Variants in SLC25A18 observed in about 807,000 individuals in gnomAD.
SLC25A18 encodes the protein solute carrier family 25 member 18.
Under a neutral mutation model 31.1 loss-of-function variants are expected in SLC25A18, and 24 were observed. That is an observed-to-expected ratio of 0.77 (90% confidence interval 0.56 to 1.08). The LOEUF (loss-of-function observed/expected upper bound fraction) is 1.08, where lower values mean the gene tolerates loss of function less well. Ranked by LOEUF, SLC25A18 falls within the 50% of genes least tolerant of loss-of-function variation. SLC25A18 has a pLI of 0.00. For missense variants in SLC25A18, 371 were observed against 418.5 expected (o/e 0.89, Z 0.99); for synonymous variants, 173 against 161.9 (o/e 1.07, Z -0.52).
intron 1 of SLC25A18, among the ~76,000 whole-genome samples, chr22:17,565,639 A>G (rs1279676391): frequency 1.3e-5 from 2 of 151,568 alleles, no homozygotes; most frequent in African/African-American, 4.8e-5. Context: ...AGGCCGAGGC[A>G]GGCAGATCAC....
chr22:17,569,070 G>A lies in SLC25A18; in HGVS notation c.-263-854G>A, dbSNP rs903870028. ...TGTAGCCAGGCTGGAGGGCAGTGGC[G>A]CGATCCCAGGTCACTGCAAGCTCCG... On this transcript the variant is annotated intron_variant, in intron 1 of 10. Transcript: ENST00000327451. 3.0e-4 allele frequency among the ~76,000 whole-genome samples: 45 copies of A among 150,438 alleles called. 1 individual carries two copies. Among genetic ancestry groups the A allele is most frequent in the Non-Finnish European group, 8.9e-5 (6 of 67,688 alleles).
At chr22:17,566,894 C>T (rs1213687159) in intron 1 of SLC25A18, among the ~76,000 whole-genome samples, 2 of 152,200 alleles carry the variant, frequency 1.3e-5, no homozygotes, top group African/African-American at 2.4e-5. Context: ...GCCGTGATGG[C>T]TCACACCTGT....
chr22:17,581,268 G>T, intron 4 of SLC25A18, 90 bp from the exon 5 acceptor site: 1 of 1,591,958 alleles, frequency 6.3e-7, no homozygotes, highest in Non-Finnish European at 8.6e-7. Context: ...CTGGGGATCT[G>T]ATCAGCTGGG....
intron 2 of SLC25A18, chr22:17,570,482 C>T (rs2057056828): frequency 6.6e-6 from 1 of 152,166 alleles, no homozygotes. Context: ...CAGGATACTG[C>T]CCCAAGACTT....
In SLC25A18 at chr22:17,583,607, A is replaced by G. The variant is rs562051707; in HGVS notation, c.409+73A>G. The G allele has an allele frequency of 6.5e-6, 10 of 1,547,130 alleles. No individual in the cohort carries two copies. In the East Asian group the frequency reaches 1.6e-4, roughly 25 times the overall value. On this transcript the variant is annotated intron_variant, in intron 7 of 10. Transcript: ENST00000327451. ...GGAACCAGGCACATCCCACATCCCA[A>G]CCTCATTTGCTAGGCTGTGTGACCA...
intron 2 of SLC25A18, chr22:17,570,505 G>C (rs2057057679): frequency 6.6e-6 from 1 of 152,266 alleles, no homozygotes; most frequent in Non-Finnish European, 1.5e-5. Context: ...TGTTGTTGTT[G>C]AGACAGTTTT....
chr22:17,582,339 G>T (rs1055142961), intron 5 of SLC25A18: 56 of 369,498 alleles, frequency 1.5e-4, no homozygotes, highest in Non-Finnish European at 6.8e-5. Context: ...TCGCGCCACT[G>T]CACTCCAGCC....
chr22:17,569,360 A>G lies in SLC25A18; in HGVS notation c.-263-564A>G, dbSNP rs567307367. Among the ~76,000 whole-genome samples the G allele has an allele frequency of 1.3e-4, 20 of 152,320 alleles. No homozygotes were observed. The South Asian group carries it at 2.1e-3, about 16-fold the overall frequency. ...ATTCTTAAGCATTGAGAATGTGCCA[A>G]AACTACATTGCAGCCCTCCTGCAGC... On this transcript the variant is annotated intron_variant, in intron 1 of 10. Coordinates refer to ENST00000327451, the MANE Select transcript of SLC25A18 (RefSeq NM_031481.3).
At chr22:17,588,249 C>T in intron 9 of SLC25A18, 170 bp downstream of exon 9, 1 of 673,848 alleles carries the variant, frequency 1.5e-6, no homozygotes. Context: ...CCTTCTGTTT[C>T]TCATCCCTGA....
At chr22:17,563,995 C>T (rs532687428) in intron 1 of SLC25A18, among the ~76,000 whole-genome samples, 10 of 152,288 alleles carry the variant, frequency 6.6e-5, no homozygotes, top group Admixed American at 4.6e-4. Flanking sequence ...GATGGAGCTG[C>T]GGGCTCATCA....
At chr22:17,572,975 T>G (rs1342865172) in intron 2 of SLC25A18, among the ~76,000 whole-genome samples, 1 of 151,984 alleles carries the variant, frequency 6.6e-6, no homozygotes, top group South Asian at 2.1e-4. Flanking sequence ...TAACCGGGCG[T>G]GATGGTGCAC....
At chr22:17,574,835 T>TATTATTATTA (rs1491564240) in intron 2 of SLC25A18, among the ~76,000 whole-genome samples, 2 of 140,096 alleles carry the variant, frequency 1.4e-5, no homozygotes, top group African/African-American at 5.6e-5. Context: ...TTCCCTTTAT[T>TATTATTATTA]ATTATTATTA....
intron 10 of SLC25A18, among the ~76,000 whole-genome samples, 160 bp downstream of exon 10, chr22:17,589,825 C>G (rs1301757980): frequency 6.6e-6 from 1 of 152,150 alleles, no homozygotes; most frequent in Non-Finnish European, 1.5e-5. Flanking sequence ...GTACTGGGAG[C>G]CTTTTTCTTC....
chr22:17,565,408 G>T (rs1351644139), intron 1 of SLC25A18, among the ~76,000 whole-genome samples: 1 of 151,786 alleles, frequency 6.6e-6, no homozygotes, highest in Admixed American at 6.6e-5. Flanking sequence ...ATAGAGATAG[G>T]GTCTTGCCAA....
At chr22:17,584,130 A>C (rs113604495) in intron 7 of SLC25A18, 2 of 976,466 alleles carry the variant, frequency 2.0e-6, no homozygotes, top group African/African-American at 3.5e-5. Context: ...GCCGTGGCTC[A>C]CGCCTGTAAT....
Position 17,589,625 on chromosome 22 carries a change from C to G in SLC25A18, c.766C>G (p.Leu256Val), listed in dbSNP as rs1163645141. The G allele has an allele frequency of 1.2e-6, 2 of 1,614,116 alleles. No homozygotes were observed. Among genetic ancestry groups the G allele is most frequent in the Non-Finnish European group, 1.7e-6 (2 of 1,180,014 alleles). ...KTRIQTLKKG[L>V]GEDMYSGITD... ...TCGAATCCAAACCCTCAAGAAAGGC[C>G]TGGGCGAGGACATGTACAGTGGGAT... Residue 256 changes from leucine to valine, a missense_variant, in exon 10 of 11, where the codon CTG (leucine) becomes GTG (valine). By Grantham distance (32) the Leu-to-Val change is conservative. Coordinates refer to ENST00000327451, the MANE Select transcript of SLC25A18 (RefSeq NM_031481.3).
At chr22:17,564,277 T>C (rs2056876814) in intron 1 of SLC25A18, among the ~76,000 whole-genome samples, 1 of 152,224 alleles carries the variant, frequency 6.6e-6, no homozygotes, top group Non-Finnish European at 1.5e-5. Flanking sequence ...ACATGATCTA[T>C]TGTGATGTTC....
chr22:17,578,594 C>T (rs751030859), intron 2 of SLC25A18, among the ~76,000 whole-genome samples: 3 of 152,198 alleles, frequency 2.0e-5, no homozygotes, highest in Non-Finnish European at 4.4e-5. Flanking sequence ...AAGCAGAGAG[C>T]GTCCGGAGAG....
intron 2 of SLC25A18, among the ~76,000 whole-genome samples, chr22:17,572,858 G>A (rs567886901): frequency 6.8e-4 from 104 of 151,988 alleles, no homozygotes; most frequent in Non-Finnish European, 1.3e-3. Context: ...AGCCAGGATG[G>A]TCTCAATCTC....
Sources: allele counts gnomAD v4.1 joint callset (sites outside exome capture counted in the v4.1 genomes callset), GRCh38; gene constraint gnomAD v4.1.1; transcripts MANE v1.5; gene names NCBI Gene and HGNC (gene_info 2026-07-23, HGNC 2026-07-21).